The following ZNF277 variants were observed in gnomAD, a reference collection of about 807,000 sequenced individuals.
ZNF277 encodes the protein zinc finger protein 277.
ZNF277 carries 55 observed loss-of-function variants against 60.7 expected under a neutral mutation model. The observed-to-expected ratio is 0.91, with a 90% CI of 0.73 to 1.13. ZNF277 has a LOEUF of 1.13. ZNF277 is among the 50% of genes most tolerant of loss of function. The probability of loss-of-function intolerance (pLI) is 0.00; values close to 1 mark genes in which losing one functional copy is unlikely to be tolerated. For synonymous variants in ZNF277, 178 were observed against 179.3 expected (o/e 0.99, Z 0.06); for missense variants, 510 against 523.0 (o/e 0.98, Z 0.24).
intron 1 of ZNF277, among the ~76,000 whole-genome samples, chr7:112,233,685 A>C (rs1205283678): frequency 3.3e-5 from 5 of 152,154 alleles, no homozygotes; most frequent in Non-Finnish European, 7.4e-5. Flanking sequence ...AATTGACTAC[A>C]GGGTTATTAT....
At chr7:112,257,372 A>G (rs1220817994) in intron 1 of ZNF277, among the ~76,000 whole-genome samples, 1 of 152,176 alleles carries the variant, frequency 6.6e-6, no homozygotes, top group Non-Finnish European at 1.5e-5. Flanking sequence ...GGAAAAATAG[A>G]CTTTAGCAGT....
intron 1 of ZNF277, among the ~76,000 whole-genome samples, chr7:112,247,038 G>A (rs1414344300): frequency 6.6e-6 from 1 of 152,088 alleles, no homozygotes. Context: ...ATGCCACATT[G>A]CACACTGTAA....
rs181765358 is a variant in ZNF277, at chr7:112,281,228, T to C, written c.92-5645T>C. 2.4e-4 allele frequency among the ~76,000 whole-genome samples: 37 copies of C among 152,338 alleles called. 1 individual carries two copies. In the East Asian group the frequency reaches 3.3e-3, roughly 14 times the overall value. ...CAGGCAGTGGTCTAGGGACTACGGC[T>C]TGGTAAAAATTACATTTTCTAAGTC... On this transcript the variant is annotated intron_variant, in intron 1 of 11. Coordinates refer to ENST00000361822, the MANE Select transcript of ZNF277 (RefSeq NM_021994.3).
Position 112,342,841 on chromosome 7 carries a change from C to A in ZNF277, c.*112C>A. 1.2e-6 allele frequency: 1 copy of A among 866,966 alleles called. No individual in the cohort carries two copies. Among genetic ancestry groups the A allele is most frequent in the Non-Finnish European group, 1.6e-6 (1 of 638,028 alleles). 53.7% of individuals were successfully genotyped at this position (866,966 alleles called of 1,614,324 possible). A position where few individuals can be genotyped will look rare whatever the true frequency, so the allele number is the denominator to read the frequency against. ...ATTTGAACATCAACAAAAGATTGGT[C>A]CTTGGTGAAATAAACTTTTCAAAAA... On this transcript the variant is annotated 3_prime_UTR_variant, in exon 12 of 12. Transcript: ENST00000361822.
At position 112,342,732 on chromosome 7, in the gene ZNF277, G is replaced by C; in HGVS notation, c.*3G>C. 1.3e-6 allele frequency: 2 copies of C among 1,580,672 alleles called. No homozygotes were observed. The highest frequency in any genetic ancestry group is 1.4e-5 in the African/African-American group (1 of 73,832). On this transcript the variant is annotated 3_prime_UTR_variant, in exon 12 of 12. Coordinates refer to ENST00000361822, the MANE Select transcript of ZNF277 (RefSeq NM_021994.3). ...TTTTGAACCAGTTGCTACTATAAGA[G>C]TACTTGAAAACCTAGAAGAAACTAC...
chr7:112,229,055 A>T (rs1822253451), intron 1 of ZNF277, among the ~76,000 whole-genome samples: 1 of 152,246 alleles, frequency 6.6e-6, no homozygotes, highest in South Asian at 2.1e-4. Flanking sequence ...TATTTATATC[A>T]TTCAAATATA....
At chr7:112,337,879 A>G in intron 9 of ZNF277, 53 bp downstream of exon 9, 2 of 1,462,762 alleles carry the variant, frequency 1.4e-6, no homozygotes. Context: ...GGGGAAAGCT[A>G]GTAATTGTTG....
chr7:112,328,967 C>G (rs938272940), intron 6 of ZNF277, among the ~76,000 whole-genome samples: 1 of 152,054 alleles, frequency 6.6e-6, no homozygotes, highest in South Asian at 2.1e-4. Flanking sequence ...TATGTTAAAT[C>G]GAGTCCCTTC....
intron 6 of ZNF277, 111 bp from the exon 7 acceptor site, chr7:112,329,973 G>T: frequency 8.1e-7 from 1 of 1,230,108 alleles, no homozygotes; most frequent in Non-Finnish European, 1.1e-6. Flanking sequence ...TATCCCATTT[G>T]AAGATGCTGT....
chr7:112,231,119 C>T (rs960353721), intron 1 of ZNF277, among the ~76,000 whole-genome samples: 1 of 151,424 alleles, frequency 6.6e-6, no homozygotes, highest in African/African-American at 2.4e-5. Context: ...GAGGCTGAGG[C>T]AGGAGAATCA....
At chr7:112,307,869 A>T (rs1792637375) in intron 4 of ZNF277, among the ~76,000 whole-genome samples, 1 of 151,880 alleles carries the variant, frequency 6.6e-6, no homozygotes, top group Non-Finnish European at 1.5e-5. Context: ...ATACATACAT[A>T]CATATGTATT....
intron 3 of ZNF277, 80 bp downstream of exon 3, chr7:112,296,037 T>G: frequency 8.6e-7 from 1 of 1,168,460 alleles, no homozygotes; most frequent in Non-Finnish European, 1.3e-6. Flanking sequence ...TATATTAGAA[T>G]TACTTTTACT....
chr7:112,331,147 G>A (rs912617807), intron 7 of ZNF277, among the ~76,000 whole-genome samples: 12 of 152,162 alleles, frequency 7.9e-5, no homozygotes, highest in Admixed American at 7.9e-4. Flanking sequence ...CATTTTAAAT[G>A]TATTGATAGC....
chr7:112,250,927 C>T (rs752397103), intron 1 of ZNF277, among the ~76,000 whole-genome samples: 5 of 152,214 alleles, frequency 3.3e-5, no homozygotes, highest in Admixed American at 1.3e-4. Context: ...GCTGTCAGCA[C>T]ATCATTCCCA....
At chr7:112,229,582 G>A (rs1457142471) in intron 1 of ZNF277, among the ~76,000 whole-genome samples, 1 of 152,118 alleles carries the variant, frequency 6.6e-6, no homozygotes, top group East Asian at 1.9e-4. Context: ...TCTAGTAATT[G>A]TCACACAGAC....
chr7:112,287,288 C>A, intron 2 of ZNF277: 3 of 551,728 alleles, frequency 5.4e-6, no homozygotes, highest in Non-Finnish European at 9.7e-6. Flanking sequence ...GGCAGGAGGG[C>A]TGCTTGCACC....
At chr7:112,259,093 G>C (rs765459140) in intron 1 of ZNF277, among the ~76,000 whole-genome samples, 1 of 151,972 alleles carries the variant, frequency 6.6e-6, no homozygotes, top group African/African-American at 2.4e-5. Flanking sequence ...TATTAATGAG[G>C]TAATAAACCA....
chr7:112,330,730 G>T (rs1364029751), intron 7 of ZNF277, among the ~76,000 whole-genome samples: 1 of 151,572 alleles, frequency 6.6e-6, no homozygotes, highest in Non-Finnish European at 1.5e-5. Context: ...ACAGCACTGG[G>T]ATTACACCAC....
At chr7:112,255,239 A>AT (rs773918749) in intron 1 of ZNF277, among the ~76,000 whole-genome samples, 66 of 152,154 alleles carry the variant, frequency 4.3e-4, no homozygotes, top group South Asian at 8.3e-4. Flanking sequence ...AAAAAAAGTG[A>AT]TTTTTTTTGG....
Sources: allele counts gnomAD v4.1 joint callset (sites outside exome capture counted in the v4.1 genomes callset), GRCh38; gene constraint gnomAD v4.1.1; transcripts MANE v1.5; gene names NCBI Gene and HGNC (gene_info 2026-07-23, HGNC 2026-07-21).